Variants in ADAMTSL3 observed in about 807,000 individuals in gnomAD.
The protein encoded by ADAMTSL3 is ADAMTS-like protein 3.
In ADAMTSL3, 128 loss-of-function variants were observed where a neutral mutation model predicts 201.7. The observed-to-expected ratio is 0.63, with a 90% confidence interval of 0.55 to 0.73. The LOEUF is 0.73. ADAMTSL3 is among the 30% of genes least tolerant of loss of function. ADAMTSL3 has a pLI of 0.00. For synonymous variants in ADAMTSL3, 738 were observed against 748.4 expected (o/e 0.99, Z 0.23); for missense variants, 1,990 against 2,119.6 (o/e 0.94, Z 1.20).
rs189472758 is a variant in ADAMTSL3 at position 83,902,213 on chromosome 15, A to C, written c.1700+2482A>C. On this transcript the variant is annotated intron_variant, in intron 15 of 29. Transcript: ENST00000286744. ...ATTTGCTCCTGAATTGCTTCCCTCA[A>C]ATCCACCCCTACACAACACAGCCAC... is the stretch of plus-strand genomic sequence containing the variant. Among the ~76,000 whole-genome samples the C allele has an allele frequency of 1.3e-3, 195 of 152,184 alleles. 1 individual carries two copies. The highest frequency in any genetic ancestry group is 4.4e-3 in the African/African-American group (184 of 41,514).
rs572250271 is a variant in ADAMTSL3 at position 83,739,705 on chromosome 15, T to C, written c.190-33818T>C. ...ATGGATTGCGTCTCCCCTGCACTTCTTGGTAGTCTGTTAGTGGGAGATCCT... is the reference window on the plus strand; with the variant it reads ...ATGGATTGCGTCTCCCCTGCACTTCCTGGTAGTCTGTTAGTGGGAGATCCT... On this transcript the variant is annotated intron_variant, in intron 3 of 29. Coordinates refer to ENST00000286744, the MANE Select transcript of ADAMTSL3 (RefSeq NM_207517.3). 7.4e-5 allele frequency: 25 copies of C among 339,976 alleles called. 2 individuals carry two copies. Among genetic ancestry groups the C allele is most frequent in the South Asian group, 6.7e-4 (24 of 36,066 alleles). The allele number at this position is 339,976 out of a possible 1,614,324, so 21.1% of individuals were successfully genotyped here.
chr15:83,722,680 G>A (rs1373611445), intron 3 of ADAMTSL3, among the ~76,000 whole-genome samples: 1 of 152,050 alleles, frequency 6.6e-6, no homozygotes, highest in Non-Finnish European at 1.5e-5. Flanking sequence ...ACATTATGTA[G>A]AAGATAACAA....
intron 28 of ADAMTSL3, among the ~76,000 whole-genome samples, chr15:84,032,975 T>C (rs2068435832): frequency 6.6e-6 from 1 of 152,230 alleles, no homozygotes; most frequent in African/African-American, 2.4e-5. Flanking sequence ...TGATATAGGT[T>C]TGCAGTCTTT....
intron 7 of ADAMTSL3, among the ~76,000 whole-genome samples, chr15:83,838,881 G>T (rs568746645): frequency 2.6e-5 from 4 of 152,212 alleles, no homozygotes; most frequent in South Asian, 4.1e-4. Flanking sequence ...AATATTTTAG[G>T]CTTTGCTGGC....
chr15:83,830,094 T>C (rs2064121634), intron 6 of ADAMTSL3, among the ~76,000 whole-genome samples: 1 of 152,126 alleles, frequency 6.6e-6, no homozygotes, highest in Non-Finnish European at 1.5e-5. Context: ...ATTTCTGATA[T>C]CATGATTAAG....
At chr15:83,763,902 C>G (rs1247358681) in intron 3 of ADAMTSL3, among the ~76,000 whole-genome samples, 1 of 152,242 alleles carries the variant, frequency 6.6e-6, no homozygotes, top group Non-Finnish European at 1.5e-5. Flanking sequence ...AGACCAACAG[C>G]TTGCCCCCTT....
chr15:83,757,064 T>A (rs2062733272), intron 3 of ADAMTSL3, among the ~76,000 whole-genome samples: 1 of 152,174 alleles, frequency 6.6e-6, no homozygotes, highest in South Asian at 2.1e-4. Context: ...TTGCAGCTTT[T>A]CCAGGCACAC....
intron 3 of ADAMTSL3, among the ~76,000 whole-genome samples, chr15:83,738,127 G>A (rs1369951433): frequency 6.6e-6 from 1 of 152,126 alleles, no homozygotes; most frequent in Non-Finnish European, 1.5e-5. Context: ...CTAACAAGAG[G>A]AAAACATGAG....
Position 84,025,450 on chromosome 15 carries a change from A to T in ADAMTSL3, c.4656+14A>T. The T allele has an allele frequency of 6.2e-7, 1 of 1,611,792 alleles. No homozygotes were observed. The highest frequency in any genetic ancestry group is 2.2e-5 in the East Asian group (1 of 44,842). On this transcript the variant is annotated intron_variant, in intron 27 of 29. Transcript: ENST00000286744. ...CCAGGGAACCGGGTAAAGCTAACAC[A>T]TCTAGTTTGTGGACAGCACTATCTG...
chr15:83,914,994 G>A (rs970363550), intron 16 of ADAMTSL3, among the ~76,000 whole-genome samples: 2 of 152,066 alleles, frequency 1.3e-5, no homozygotes, highest in African/African-American at 2.4e-5. Context: ...AGATAGCCAC[G>A]GAGATGCAAA....
chr15:83,819,974 T>C lies in ADAMTSL3; in HGVS notation c.527T>C (p.Leu176Pro), dbSNP rs1428166015. The C allele has an allele frequency of 6.2e-7, 1 of 1,614,050 alleles. No individual in the cohort carries two copies. The highest frequency in any genetic ancestry group is 8.5e-7 in the Non-Finnish European group (1 of 1,180,030). ...CAAGGACAAAACTTGGTGGTGGAGC[T>C]GGCACCTAAGGTACTGGATGGAACT... ...HAQGQNLVVE[L>P]APKVLDGTRC... Residue 176 changes from leucine to proline, a missense_variant, in exon 6 of 30, where the codon CTG (leucine) becomes CCG (proline). Leu to Pro is a moderately conservative substitution (Grantham distance 98, BLOSUM62 -3). Coordinates refer to ENST00000286744, the MANE Select transcript of ADAMTSL3 (RefSeq NM_207517.3).
intron 19 of ADAMTSL3, among the ~76,000 whole-genome samples, chr15:83,970,230 G>A (rs901945429): frequency 6.6e-6 from 1 of 151,738 alleles, no homozygotes; most frequent in African/African-American, 2.4e-5. Flanking sequence ...GAAGGAGGGG[G>A]AGGGCGGTAG....
chr15:84,032,251 C>A (rs2068422993), intron 28 of ADAMTSL3, among the ~76,000 whole-genome samples: 1 of 152,206 alleles, frequency 6.6e-6, no homozygotes, highest in Non-Finnish European at 1.5e-5. Context: ...ATGGAAGATG[C>A]TCAATATCTG....
chr15:83,872,755 G>A (rs1194094249), intron 9 of ADAMTSL3, among the ~76,000 whole-genome samples: 2 of 110,630 alleles, frequency 1.8e-5, no homozygotes, highest in Non-Finnish European at 3.8e-5. Flanking sequence ...ACAAAGATTA[G>A]TATTTCAAGA....
intron 20 of ADAMTSL3, among the ~76,000 whole-genome samples, chr15:83,981,178 C>T (rs1428337229): frequency 6.6e-6 from 1 of 152,220 alleles, no homozygotes; most frequent in Non-Finnish European, 1.5e-5. Context: ...TATCACTGTC[C>T]TTCTCCCATG....
intron 7 of ADAMTSL3, among the ~76,000 whole-genome samples, chr15:83,842,057 C>T (rs1255771498): frequency 6.6e-6 from 1 of 151,322 alleles, no homozygotes; most frequent in Non-Finnish European, 1.5e-5. Context: ...TCCCCATCCC[C>T]CTTCTGCCTT....
chr15:83,854,967 C>G (rs2064700699), intron 7 of ADAMTSL3, among the ~76,000 whole-genome samples: 1 of 152,120 alleles, frequency 6.6e-6, no homozygotes, highest in South Asian at 2.1e-4. Flanking sequence ...TGAATTTTCC[C>G]TACTCCAGAC....
rs1035220354 is a variant in ADAMTSL3, at chr15:83,913,485, A to C, written c.1987+107A>C. 2 of 1,107,666 alleles carry C rather than the reference A, an allele frequency of 1.8e-6. 1 individual carries two copies. Among genetic ancestry groups the C allele is most frequent in the Admixed American group, 5.5e-5 (2 of 36,518 alleles). The allele number at this position is 1,107,666 out of a possible 1,614,324, so 68.6% of individuals were successfully genotyped here. A position where few individuals can be genotyped will look rare whatever the true frequency, so the allele number is the denominator to read the frequency against. On this transcript the variant is annotated intron_variant, in intron 16 of 29. Transcript: ENST00000286744. The stretch of plus-strand genomic sequence containing the variant: ...ATGCAAATTAGCAAAAGTCTAAAGG[A>C]GGTGAAGTCATTCAAATAACTGAAA...
rs556329738 is a variant in ADAMTSL3, at chr15:83,697,614, A to G, written c.70-6775A>G. Among the ~76,000 whole-genome samples the G allele has an allele frequency of 6.6e-5, 10 of 152,338 alleles. No individual in the cohort carries two copies. In the South Asian group the frequency reaches 2.1e-3, roughly 32 times the overall value. On this transcript the variant is annotated intron_variant, in intron 2 of 29. Coordinates refer to ENST00000286744, the MANE Select transcript of ADAMTSL3 (RefSeq NM_207517.3). ...TATAAAGGGATAGAATAAAGGATAAAGATGAATGCCCAGATGAAGAGATAC... is the reference window on the plus strand; with the variant it reads ...TATAAAGGGATAGAATAAAGGATAAGGATGAATGCCCAGATGAAGAGATAC...
Sources: gnomAD v4.1 joint callset for allele counts (sites outside exome capture counted in the v4.1 genomes callset) on GRCh38, gnomAD v4.1.1 for gene constraint, MANE v1.5 for transcripts, NCBI Gene and HGNC (gene_info 2026-07-23, HGNC 2026-07-21) for gene names.